Variants in ST3GAL3 observed in about 807,000 individuals in gnomAD.
The protein encoded by ST3GAL3 is ST3 beta-galactoside alpha-2,3-sialyltransferase 3.
ST3GAL3 carries 21 observed loss-of-function variants against 50.1 expected under a neutral mutation model. The ratio of observed to expected loss-of-function variants is 0.42; its 90% CI spans 0.30 to 0.60. The LOEUF is 0.60. Among genes scored for constraint, ST3GAL3 ranks in the 20% least tolerant of loss-of-function variants. The pLI is 0.19. For missense variants in ST3GAL3, 353 were observed against 489.4 expected (o/e 0.72, Z 2.63); for synonymous variants, 183 against 190.0 (o/e 0.96, Z 0.30).
intron 11 of ST3GAL3, chr1:43,921,880 A>C (rs919682338): frequency 2.5e-6 from 1 of 397,756 alleles, no homozygotes; most frequent in Admixed American, 4.4e-5. Context: ...GCTCCCATCA[A>C]GGTCACCACC....
chr1:43,856,314 C>G (rs1303013010), intron 5 of ST3GAL3, among the ~76,000 whole-genome samples: 1 of 152,086 alleles, frequency 6.6e-6, no homozygotes, highest in Non-Finnish European at 1.5e-5. Context: ...TTGCAAAAAC[C>G]CTTTACGACA....
At chr1:43,864,731 G>A (rs2070868486) in intron 5 of ST3GAL3, among the ~76,000 whole-genome samples, 1 of 152,142 alleles carries the variant, frequency 6.6e-6, no homozygotes, top group Non-Finnish European at 1.5e-5. Flanking sequence ...ATAAGGACAA[G>A]TTCATGTCAT....
intron 2 of ST3GAL3, among the ~76,000 whole-genome samples, chr1:43,784,916 C>T (rs2057098108): frequency 6.6e-6 from 1 of 152,230 alleles, no homozygotes; most frequent in Non-Finnish European, 1.5e-5. Flanking sequence ...TTCTCACCTC[C>T]TTTGGCTTTC....
rs1009445896 is a variant in ST3GAL3, at chr1:43,749,350, T to G, written c.118+12970T>G. Among the ~76,000 whole-genome samples the G allele has an allele frequency of 3.9e-5, 6 of 152,300 alleles. No individual in the cohort carries two copies. The East Asian group carries it at 7.7e-4, about 20-fold the overall frequency. On this transcript the variant is annotated intron_variant, in intron 2 of 11. Transcript: ENST00000347631. ...TCTTTCTGCTCTTCAAATTGTTCCA[T>G]CAAGTAAATAAAAAGCAAGCCACAT... is the stretch of plus-strand genomic sequence containing the variant.
At chr1:43,817,632 C>CCTTCTCCTCCTCCCTT (rs1558438585) in intron 4 of ST3GAL3, among the ~76,000 whole-genome samples, 3 of 126,560 alleles carry the variant, frequency 2.4e-5, no homozygotes, top group African/African-American at 9.5e-5. Context: ...CCTCCCTTCT[C>CCTTCTCCTCCTCCCTT]CTCCTCCTTC....
At chr1:43,906,349 C>T (rs1319279000) in intron 9 of ST3GAL3, among the ~76,000 whole-genome samples, 1 of 147,334 alleles carries the variant, frequency 6.8e-6, no homozygotes, top group East Asian at 2.1e-4. Context: ...TCCTGTTCCT[C>T]TTCCCGCCAC....
At chr1:43,851,912 A>C (rs1385613742) in intron 5 of ST3GAL3, among the ~76,000 whole-genome samples, 2 of 152,214 alleles carry the variant, frequency 1.3e-5, no homozygotes, top group Non-Finnish European at 1.5e-5. Flanking sequence ...CGGGACTGCT[A>C]GTGCTCTGCT....
In ST3GAL3 at chr1:43,853,272, T is replaced by C. The variant is rs575087140; in HGVS notation, c.302+14961T>C. On this transcript the variant is annotated intron_variant, in intron 5 of 11. Coordinates refer to ENST00000347631, the MANE Select transcript of ST3GAL3 (RefSeq NM_006279.5). ...TCCAAGCCACGTCCATGCTGCAGAG[T>C]GATACTAGCAGCAGTGACAGTGATA... Among the ~76,000 whole-genome samples the C allele has an allele frequency of 8.5e-5, 13 of 152,216 alleles. No homozygotes were observed. The South Asian group carries it at 2.7e-3, about 32-fold the overall frequency.
intron 2 of ST3GAL3, among the ~76,000 whole-genome samples, chr1:43,783,423 G>C (rs984955511): frequency 6.6e-6 from 1 of 152,076 alleles, no homozygotes; most frequent in African/African-American, 2.4e-5. Context: ...ACCAAGCTCT[G>C]ACCAAGTCTG....
At chr1:43,726,996 AATTAC>A (rs1351765782) in intron 1 of ST3GAL3, among the ~76,000 whole-genome samples, 2 of 152,074 alleles carry the variant, frequency 1.3e-5, no homozygotes, top group Non-Finnish European at 2.9e-5. Flanking sequence ...GTGATTTTCT[AATTAC>A]ATTATTCCTT....
intron 2 of ST3GAL3, among the ~76,000 whole-genome samples, chr1:43,765,784 T>TGTGCGC (rs757167336): frequency 6.6e-5 from 9 of 136,880 alleles, no homozygotes; most frequent in South Asian, 2.3e-4. Flanking sequence ...TGTGTGTGTG[T>TGTGCGC]GCGCGCGCGC....
chr1:43,899,084 G>T lies in ST3GAL3; in HGVS notation c.462-84G>T. ...TATCCCAGCCTGGTCCTGGACAAGG[G>T]CGTGGGGTCAAGGGCCAAAGGAGCA... is the stretch of plus-strand genomic sequence containing the variant. On this transcript the variant is annotated intron_variant, in intron 7 of 11. Transcript: ENST00000347631. The surrounding 1 kb of genome is among the most constrained non-coding windows in gnomAD (Gnocchi z 5.4). 6.3e-7 allele frequency: 1 copy of T among 1,592,416 alleles called. No individual in the cohort carries two copies.
chr1:43,732,199 C>T (rs568160222), intron 1 of ST3GAL3, among the ~76,000 whole-genome samples: 8 of 152,298 alleles, frequency 5.3e-5, no homozygotes, highest in South Asian at 2.1e-4. Context: ...TATTCACCTT[C>T]GTTTCTTCTG....
At chr1:43,884,724 G>A (rs1329786758) in intron 5 of ST3GAL3, among the ~76,000 whole-genome samples, 1 of 152,202 alleles carries the variant, frequency 6.6e-6, no homozygotes, top group Non-Finnish European at 1.5e-5. Context: ...GCTGGGCTCT[G>A]CCTTCCCTTT....
At position 43,724,591 on chromosome 1, in the gene ST3GAL3, G is replaced by A. The variant is rs372907027; in HGVS notation, c.-30-11642G>A. Among the ~76,000 whole-genome samples, 8 of 152,202 alleles carry A rather than the reference G, an allele frequency of 5.3e-5. No individual in the cohort carries two copies. In the East Asian group the frequency reaches 1.2e-3, roughly 22 times the overall value. On this transcript the variant is annotated intron_variant, in intron 1 of 11. Coordinates refer to ENST00000347631, the MANE Select transcript of ST3GAL3 (RefSeq NM_006279.5). The stretch of plus-strand genomic sequence containing the variant: ...GTGATTTAACAGACCTAAGTTATAG[G>A]TTCTTTTTTCAAATTGTATGCTAAT...
intron 1 of ST3GAL3, among the ~76,000 whole-genome samples, chr1:43,730,571 C>CTTTTTTTTTTTTT (rs11318191): frequency 8.2e-6 from 1 of 122,382 alleles, no homozygotes; most frequent in African/African-American, 3.2e-5. Flanking sequence ...TCTTTTCTTT[C>CTTTTTTTTTTTTT]TTTTTTTTTT....
chr1:43,831,022 G>A (rs769167092), intron 4 of ST3GAL3, among the ~76,000 whole-genome samples: 1 of 152,180 alleles, frequency 6.6e-6, no homozygotes, highest in African/African-American at 2.4e-5. Context: ...CCACATTGCT[G>A]TAGGTATTCA....
chr1:43,789,295 T>G (rs756858267), intron 2 of ST3GAL3, among the ~76,000 whole-genome samples: 70 of 152,094 alleles, frequency 4.6e-4, no homozygotes, highest in Non-Finnish European at 8.5e-4. Context: ...AAAGCAAATC[T>G]ATAGACAGAA....
chr1:43,909,124 A>T (rs2080340442), intron 9 of ST3GAL3, among the ~76,000 whole-genome samples: 1 of 152,224 alleles, frequency 6.6e-6, no homozygotes, highest in Non-Finnish European at 1.5e-5. Context: ...GCAGTGAGGC[A>T]TAGTTGGTAT....
Sources: allele counts gnomAD v4.1 joint callset (sites outside exome capture counted in the v4.1 genomes callset), GRCh38; gene constraint gnomAD v4.1.1; non-coding constraint Gnocchi (gnomAD v3.1); transcripts MANE v1.5; gene names NCBI Gene and HGNC (gene_info 2026-07-23, HGNC 2026-07-21).